The following DOC2B variants were observed in gnomAD, a reference collection of about 807,000 sequenced individuals.
DOC2B encodes double C2 domain beta.
In DOC2B, 21 loss-of-function variants were observed where a neutral mutation model predicts 28.9. The observed-to-expected ratio is 0.73, with a 90% confidence interval of 0.52 to 1.05. The LOEUF is 1.05. DOC2B is among the 50% of genes least tolerant of loss of function. The pLI is 0.00. For missense variants in DOC2B, 384 were observed against 421.1 expected, an observed-to-expected ratio of 0.91 and a Z score of 0.77; for synonymous variants, 194 against 178.1, an observed-to-expected ratio of 1.09 and a Z score of -0.71.
intron 6 of DOC2B, among the ~76,000 whole-genome samples, chr17:152,787 A>G (rs1555521930): frequency 6.6e-6 from 1 of 152,090 alleles, no homozygotes; most frequent in African/African-American, 2.4e-5. Context: ...GAAAGGAAGA[A>G]ATAAAGAAAA....
Position 172,580 on chromosome 17 carries a change from T to A in DOC2B, c.410A>T (p.Asp137Val). The change falls in exon 2 of 9, where the codon GAC becomes GTC. Residue 137 changes from aspartate to valine, a missense_variant. Coordinates refer to ENST00000613549, the MANE Select transcript of DOC2B (RefSeq NM_003585.5). ...LGTLDFSLLY[D>V]QENNALHCTI... ...GCAGTGGAGGGCGTTGTTCTCCTGGTCATACAGCAGGCTGAAGTCCAGCGT... is the reference window on the plus strand; with the variant it reads ...GCAGTGGAGGGCGTTGTTCTCCTGGACATACAGCAGGCTGAAGTCCAGCGT... The A allele has an allele frequency of 6.4e-7, 1 of 1,551,054 alleles. No homozygotes were observed. The highest frequency in any genetic ancestry group is 1.2e-5 in the South Asian group (1 of 84,046).
intron 3 of DOC2B, among the ~76,000 whole-genome samples, chr17:163,176 G>A (rs1351978630): frequency 6.6e-6 from 1 of 152,142 alleles, no homozygotes; most frequent in Non-Finnish European, 1.5e-5. Flanking sequence ...TGCACTGCCG[G>A]CTCCAGTCCC....
At chr17:154,976 G>T (rs962910741) in intron 6 of DOC2B, among the ~76,000 whole-genome samples, 3 of 152,072 alleles carry the variant, frequency 2.0e-5, no homozygotes, top group African/African-American at 7.2e-5. Context: ...TGATCCGTGC[G>T]CCTCGGCCTC....
rs1047113638 is a variant in DOC2B at position 161,670 on chromosome 17, G to C, written c.639-129C>G. 13 of 1,438,988 alleles carry C rather than the reference G, an allele frequency of 9.0e-6. No individual in the cohort carries two copies. The African/African-American group carries it at 1.1e-4, about 12-fold the overall frequency. The allele number at this position is 1,438,988 out of a possible 1,614,324, so 89.1% of individuals were successfully genotyped here. A position where few individuals can be genotyped will look rare whatever the true frequency, so the allele number is the denominator to read the frequency against. On this transcript the variant is annotated intron_variant, in intron 4 of 8. Coordinates refer to ENST00000613549, the MANE Select transcript of DOC2B (RefSeq NM_003585.5). ...CCTGCCCTGGTCTGGGGTGGGAGAC[G>C]CACAAGATGCCTGGGCCCTGACAGG...
chr17:159,668 G>C (rs2040176791), intron 5 of DOC2B, among the ~76,000 whole-genome samples: 3 of 152,106 alleles, frequency 2.0e-5, no homozygotes, highest in Non-Finnish European at 4.4e-5. Flanking sequence ...TGGCTGTACT[G>C]TCAGGGGTGC....
rs2040009757 is a variant in DOC2B at position 145,126 on chromosome 17, G to A, written c.*2315C>T. ...TAGGGTGGGGTGGCTGAGTTTTGGG[G>A]CCAGGTTAGACACCTCTGGGGAAGC... On this transcript the variant is annotated 3_prime_UTR_variant, in exon 9 of 9. Transcript: ENST00000613549. 6.6e-6 allele frequency: 1 copy of A among 152,200 alleles called. No homozygotes were observed. Among genetic ancestry groups the A allele is most frequent in the Non-Finnish European group, 1.5e-5 (1 of 68,062 alleles). The allele number at this position is 152,200 out of a possible 1,614,324, so 9.4% of individuals were successfully genotyped here. A position where few individuals can be genotyped will look rare whatever the true frequency, so the allele number is the denominator to read the frequency against.
At chr17:178,283 G>A (rs2151477817) in intron 1 of DOC2B, among the ~76,000 whole-genome samples, 1 of 152,316 alleles carries the variant, frequency 6.6e-6, no homozygotes, top group South Asian at 2.1e-4. Flanking sequence ...GAGCAAAGAT[G>A]GACAGAACCA....
At chr17:161,599 G>A in intron 4 of DOC2B, 58 bp from the exon 5 acceptor site, 1 of 1,547,684 alleles carries the variant, frequency 6.5e-7, no homozygotes, top group South Asian at 1.2e-5. Context: ...GGGCATGGTG[G>A]AGGTGTGCGC....
chr17:154,555 G>A (rs2151461117), intron 6 of DOC2B, among the ~76,000 whole-genome samples: 1 of 152,316 alleles, frequency 6.6e-6, no homozygotes, highest in Admixed American at 6.5e-5. Context: ...GGCTGTTGTG[G>A]ATAGTGCTGC....
Position 181,578 on chromosome 17 carries a change from G to A in DOC2B, c.-99C>T, listed in dbSNP as rs1440113353. ...CGGCGGGGCGCGGCGGGGGCTGCGG[G>A]CATCGCCGGCCGCGCCCCCGGACGG... is the stretch of plus-strand genomic sequence containing the variant. On this transcript the variant is annotated 5_prime_UTR_variant, in exon 1 of 9. Transcript: ENST00000613549. The surrounding 1 kb of genome is among the most constrained non-coding windows in gnomAD (Gnocchi z 7.0). 4 of 555,068 alleles carry A rather than the reference G, an allele frequency of 7.2e-6. No individual in the cohort carries two copies. Among genetic ancestry groups the A allele is most frequent in the Non-Finnish European group, 9.1e-6 (4 of 439,608 alleles). 34.4% of individuals were successfully genotyped at this position (555,068 alleles called of 1,614,324 possible). A position where few individuals can be genotyped will look rare whatever the true frequency, so the allele number is the denominator to read the frequency against.
At chr17:168,694 G>A (rs1009263079) in intron 2 of DOC2B, among the ~76,000 whole-genome samples, 4 of 145,540 alleles carry the variant, frequency 2.7e-5, no homozygotes, top group Non-Finnish European at 6.0e-5. Flanking sequence ...TACGTCTCAC[G>A]AGATCTCATG....
rs565977617 is a variant in DOC2B, at chr17:153,714, T to A, written c.923+2506A>T. 1.8e-3 allele frequency among the ~76,000 whole-genome samples: 275 copies of A among 150,232 alleles called. 2 individuals are homozygous for A. The highest frequency in any genetic ancestry group is 6.9e-3 in the Middle Eastern group (2 of 290). ...AGACTCTGTCTCAAAAAAAAAAAAATCACACCATTTTGGCTTCAGATTGCA... is the reference window on the plus strand; with the variant it reads ...AGACTCTGTCTCAAAAAAAAAAAAAACACACCATTTTGGCTTCAGATTGCA... On this transcript the variant is annotated intron_variant, in intron 6 of 8. Coordinates refer to ENST00000613549, the MANE Select transcript of DOC2B (RefSeq NM_003585.5).
intron 3 of DOC2B, among the ~76,000 whole-genome samples, chr17:162,668 G>C (rs987146156): frequency 2.0e-5 from 3 of 152,254 alleles, no homozygotes; most frequent in Non-Finnish European, 4.4e-5. Context: ...CAGTCCGAGA[G>C]TAAACGCGCT....
intron 2 of DOC2B, among the ~76,000 whole-genome samples, chr17:165,488 A>T (rs1447075309): frequency 2.4e-5 from 3 of 123,548 alleles, no homozygotes; most frequent in Non-Finnish European, 5.0e-5. Context: ...TCTCAAGTTT[A>T]AAAAAAAAAA....
At position 181,406 on chromosome 17, in the gene DOC2B, C is replaced by T. The variant is rs1219228234; in HGVS notation, c.74G>A (p.Gly25Asp). 8.5e-7 allele frequency: 1 copy of T among 1,179,172 alleles called. No individual in the cohort carries two copies. Among genetic ancestry groups the T allele is most frequent in the Non-Finnish European group, 1.1e-6 (1 of 945,000 alleles). The allele number at this position is 1,179,172 out of a possible 1,614,324, so 73.0% of individuals were successfully genotyped here. Residue 25 changes from glycine (G) to aspartate (D), a missense_variant, in exon 1 of 9, where the codon GGC becomes GAC. By Grantham distance (94) the Gly-to-Asp change is moderately conservative. Transcript: ENST00000613549. The surrounding 1 kb of genome is among the most constrained non-coding windows in gnomAD (Gnocchi z 7.0). ...QEHMAIDVCP[G>D]PIRPIKQISD... Reference sequence around the variant, plus strand: ...GATCTGCTTGATGGGACGGATGGGGCCGGGGCACACGTCGATGGCCATATG... The same window carrying T: ...GATCTGCTTGATGGGACGGATGGGGTCGGGGCACACGTCGATGGCCATATG...
At chr17:163,637 G>A (rs906637907) in intron 3 of DOC2B, 13 of 154,500 alleles carry the variant, frequency 8.4e-5, no homozygotes, top group African/African-American at 3.1e-4. Context: ...TCGGACGCTT[G>A]GGTCATCCGG....
intron 6 of DOC2B, among the ~76,000 whole-genome samples, chr17:152,354 C>T (rs961844615): frequency 2.0e-5 from 3 of 152,168 alleles, no homozygotes; most frequent in African/African-American, 2.4e-5. Context: ...GACATGTCAG[C>T]GATTGTCACA....
intron 5 of DOC2B, among the ~76,000 whole-genome samples, chr17:160,424 C>T (rs146598546): frequency 1.5e-4 from 23 of 152,304 alleles, no homozygotes; most frequent in East Asian, 7.7e-4. Context: ...GGGAAGAAGC[C>T]GTGGCCTCAG....
At position 161,415 on chromosome 17, in the gene DOC2B, C is replaced by G; in HGVS notation, c.765G>C (p.Pro255=). The change falls in exon 5 of 9, where the codon CCG becomes CCC. Residue 255 remains proline, a splice_region_variant and synonymous_variant. Coordinates refer to ENST00000613549, the MANE Select transcript of DOC2B (RefSeq NM_003585.5). ...TFSICLEKQL[P]VDKTEDKSLE... is the part of the protein sequence containing the mutation. ...GCAGGTGCTCAATCAATCCTCTCAC[C>G]GGCAGCTGCTTCTCCAGGCAGATGC... 6.4e-7 allele frequency: 1 copy of G among 1,551,648 alleles called. No individual in the cohort carries two copies. Among genetic ancestry groups the G allele is most frequent in the Non-Finnish European group, 8.7e-7 (1 of 1,146,964 alleles).
Sources: gnomAD v4.1 joint callset for allele counts (sites outside exome capture counted in the v4.1 genomes callset) on GRCh38, gnomAD v4.1.1 for gene constraint, Gnocchi (gnomAD v3.1) non-coding constraint, MANE v1.5 for transcripts, NCBI Gene and HGNC (gene_info 2026-07-23, HGNC 2026-07-21) for gene names.